STAT1: variants seen among roughly 807,000 people sequenced by gnomAD.
STAT1 encodes signal transducer and activator of transcription 1-alpha/beta.
In STAT1, 24 loss-of-function variants were observed where a neutral mutation model predicts 111.7. The ratio of observed to expected loss-of-function variants is 0.21; its 90% CI spans 0.16 to 0.30. The LOEUF (loss-of-function observed/expected upper bound fraction) is 0.30. Among genes scored for constraint, STAT1 ranks in the 10% least tolerant of loss-of-function variants. The pLI, the probability that STAT1 is intolerant of heterozygous loss-of-function variation, is 1.00. For missense variants in STAT1, 351 were observed against 911.9 expected (o/e 0.38, Z 7.92); for synonymous variants, 332 against 326.5 (o/e 1.02, Z -0.18).
chr2:190,993,420 T>C lies in STAT1; in HGVS notation c.944+1641A>G. Reference sequence around the variant, plus strand: ...TTCCCGTCTAACTCTATAGTTCTTATTTTGAAATCCATACCAATTGTGCTG... The same window carrying C: ...TTCCCGTCTAACTCTATAGTTCTTACTTTGAAATCCATACCAATTGTGCTG... On this transcript the variant is annotated intron_variant, in intron 10 of 24. Transcript: ENST00000361099. The surrounding 1 kb of genome is among the most constrained non-coding windows in gnomAD (Gnocchi z 4.1). The C allele has an allele frequency of 1.4e-6, 2 of 1,401,370 alleles. No homozygotes were observed. The highest frequency in any genetic ancestry group is 2.0e-6 in the Non-Finnish European group (2 of 1,006,204). 86.8% of individuals were successfully genotyped at this position (1,401,370 alleles called of 1,614,324 possible).
At position 190,995,737 on chromosome 2, in the gene STAT1, G is replaced by A. The variant is rs1199858112; in HGVS notation, c.786-518C>T. On this transcript the variant is annotated intron_variant, in intron 9 of 24. Transcript: ENST00000361099. This position sits in a 1 kb window ranked among gnomAD's most constrained non-coding sequence, Gnocchi z 4.2. ...TCTAGGGAAAAACAAAGGGAACGAG[G>A]CTTGTGCCAGCAGTAGAAGCTTTGT... Among the ~76,000 whole-genome samples, 2 of 152,198 alleles carry A rather than the reference G, an allele frequency of 1.3e-5. No homozygotes were observed. Among genetic ancestry groups the A allele is most frequent in the South Asian group, 4.1e-4 (2 of 4,830 alleles).
In STAT1 at chr2:190,975,730, T is replaced by A; in HGVS notation, c.2135+82A>T. 1 of 1,587,060 alleles carries A rather than the reference T, an allele frequency of 6.3e-7. No homozygotes were observed. Among genetic ancestry groups the A allele is most frequent in the Middle Eastern group, 1.7e-4 (1 of 5,996 alleles). ...TAGCAATTACAATGGAAAAGTAAAA[T>A]ACAAGCATCTTCAACAGGCCCCAGC... On this transcript the variant is annotated intron_variant, in intron 23 of 24. Coordinates refer to ENST00000361099, the MANE Select transcript of STAT1 (RefSeq NM_007315.4). This position sits in a 1 kb window ranked among gnomAD's most constrained non-coding sequence, Gnocchi z 5.9.
chr2:190,971,035 T>C lies in STAT1; in HGVS notation c.2239-318A>G, dbSNP rs1413385669. ...CAGAGCAACGTGTCAAATCTGCTCATGTGAAACGGGTGAGGAAATGCTGAG... is the reference window on the plus strand; with the variant it reads ...CAGAGCAACGTGTCAAATCTGCTCACGTGAAACGGGTGAGGAAATGCTGAG... On this transcript the variant is annotated intron_variant, in intron 24 of 24. Coordinates refer to ENST00000361099, the MANE Select transcript of STAT1 (RefSeq NM_007315.4). This position sits in a 1 kb window ranked among gnomAD's most constrained non-coding sequence, Gnocchi z 4.1. Among the ~76,000 whole-genome samples the C allele has an allele frequency of 6.6e-6, 1 of 152,170 alleles. No homozygotes were observed.
intron 5 of STAT1, among the ~76,000 whole-genome samples, chr2:191,001,498 C>CT (rs1694270189): frequency 3.3e-5 from 5 of 152,168 alleles, no homozygotes; most frequent in African/African-American, 1.2e-4. Flanking sequence ...TAACTCAGTC[C>CT]TTATTTATCT....
Position 190,996,018 on chromosome 2 carries a change from AC to A in STAT1, c.786-800del, listed in dbSNP as rs1439224333. On this transcript the variant is annotated intron_variant, in intron 9 of 24. Coordinates refer to ENST00000361099, the MANE Select transcript of STAT1 (RefSeq NM_007315.4). The surrounding 1 kb of genome is among the most constrained non-coding windows in gnomAD (Gnocchi z 4.5). ...CATCAGCAAGCAGTGTCTCGGCAGG[AC>A]CAGTCAGAGATGTGGGGCAGAGGGG... Among the ~76,000 whole-genome samples the A allele has an allele frequency of 6.6e-6, 1 of 150,844 alleles. No individual in the cohort carries two copies. The highest frequency in any genetic ancestry group is 2.5e-5 in the African/African-American group (1 of 40,678).
At position 191,012,262 on chromosome 2, in the gene STAT1, A is replaced by G. The variant is rs748268852; in HGVS notation, c.-2+1263T>C. Among the ~76,000 whole-genome samples, 57 of 151,970 alleles carry G rather than the reference A, an allele frequency of 3.8e-4. No homozygotes were observed. Among genetic ancestry groups the G allele is most frequent in the South Asian group, 1.5e-3 (7 of 4,800 alleles). On this transcript the variant is annotated intron_variant, in intron 2 of 24. Transcript: ENST00000361099. This position sits in a 1 kb window ranked among gnomAD's most constrained non-coding sequence, Gnocchi z 4.0. The stretch of plus-strand genomic sequence containing the variant: ...ACCTTGTCTCTACTAAAATACAAAA[A>G]AAAATTAGCAGGGCATGGTGGTGTG...
At position 190,996,999 on chromosome 2, in the gene STAT1, G is replaced by C. The variant is rs1181895129; in HGVS notation, c.785+857C>G. Among the ~76,000 whole-genome samples the C allele has an allele frequency of 6.6e-6, 1 of 152,230 alleles. No homozygotes were observed. Among genetic ancestry groups the C allele is most frequent in the East Asian group, 1.9e-4 (1 of 5,200 alleles). On this transcript the variant is annotated intron_variant, in intron 9 of 24. Transcript: ENST00000361099. The surrounding 1 kb of genome is among the most constrained non-coding windows in gnomAD (Gnocchi z 4.5). ...GAAAAAAGCCTGCCTTGGCTCAGCA[G>C]TACAGCTGCGTACATCCCCCATTCC...
chr2:191,001,066 A>G lies in STAT1; in HGVS notation c.462+8T>C, dbSNP rs552793333. 3.7e-6 allele frequency: 6 copies of G among 1,606,148 alleles called. No individual in the cohort carries two copies. The Admixed American group carries it at 1.0e-4, about 27-fold the overall frequency. ...CAGAATAAATGCATGTGTTTACTCA[A>G]TACTCACCATAACCTTGTCCTTCAC... On this transcript the variant is annotated splice_region_variant and intron_variant, in intron 6 of 24. Coordinates refer to ENST00000361099, the MANE Select transcript of STAT1 (RefSeq NM_007315.4).
At position 190,977,640 on chromosome 2, in the gene STAT1, G is replaced by A. The variant is rs1481143290; in HGVS notation, c.1874-615C>T. 6.6e-6 allele frequency among the ~76,000 whole-genome samples: 1 copy of A among 152,114 alleles called. No individual in the cohort carries two copies. The highest frequency in any genetic ancestry group is 2.4e-5 in the African/African-American group (1 of 41,410). ...CCCTTTGGGTGTCGACCTTCCAGAG[G>A]CCACGGTTCAGGTGTTCTGGGGAGC... On this transcript the variant is annotated intron_variant, in intron 21 of 24. Transcript: ENST00000361099. This position sits in a 1 kb window ranked among gnomAD's most constrained non-coding sequence, Gnocchi z 4.7.
chr2:190,983,534 G>C lies in STAT1; in HGVS notation c.1446+108C>G. On this transcript the variant is annotated intron_variant, in intron 17 of 24. Coordinates refer to ENST00000361099, the MANE Select transcript of STAT1 (RefSeq NM_007315.4). The surrounding 1 kb of genome is among the most constrained non-coding windows in gnomAD (Gnocchi z 5.7). ...GCCTTAGAAATACCACAGGAGCTTTGTCACTTCTCCCTTAACAACTGGCCA... is the reference window on the plus strand; with the variant it reads ...GCCTTAGAAATACCACAGGAGCTTTCTCACTTCTCCCTTAACAACTGGCCA... 3.1e-6 allele frequency: 3 copies of C among 952,914 alleles called. No individual in the cohort carries two copies. 59.0% of individuals were successfully genotyped at this position (952,914 alleles called of 1,614,324 possible).
intron 2 of STAT1, chr2:191,010,492 C>G (rs926404387): frequency 3.0e-6 from 1 of 332,898 alleles, no homozygotes; most frequent in African/African-American, 2.2e-5. Flanking sequence ...AATAAATATG[C>G]CTTTAAAATG....
Position 191,012,607 on chromosome 2 carries a change from A to C in STAT1, c.-2+918T>G, listed in dbSNP as rs1346825252. 6.6e-6 allele frequency among the ~76,000 whole-genome samples: 1 copy of C among 151,774 alleles called. No homozygotes were observed. Among genetic ancestry groups the C allele is most frequent in the East Asian group, 1.9e-4 (1 of 5,178 alleles). On this transcript the variant is annotated intron_variant, in intron 2 of 24. Transcript: ENST00000361099. This position sits in a 1 kb window ranked among gnomAD's most constrained non-coding sequence, Gnocchi z 4.0. ...TGCTCCTTCCTGTCTCCAACATTCT[A>C]CCTTCCCAGTCCAGCCTCTGCTGCC...
Position 191,009,944 on chromosome 2 carries a change from C to T in STAT1, c.60G>A (p.Gln20=). Residue 20 remains glutamine (Q), a synonymous_variant, in exon 3 of 25, where the codon CAG becomes CAA. Coordinates refer to ENST00000361099, the MANE Select transcript of STAT1 (RefSeq NM_007315.4). ...CCATGGGAAAACTGTCATCATAAAGCTGGTGAACCTGCTCCAGGAATTTTG... is the reference window on the plus strand; with the variant it reads ...CCATGGGAAAACTGTCATCATAAAGTTGGTGAACCTGCTCCAGGAATTTTG... ...LDSKFLEQVH[Q]LYDDSFPMEI... The T allele has an allele frequency of 1.9e-6, 3 of 1,614,006 alleles. No homozygotes were observed. Among genetic ancestry groups the T allele is most frequent in the Non-Finnish European group, 2.5e-6 (3 of 1,179,934 alleles).
chr2:190,983,623 G>A lies in STAT1; in HGVS notation c.1446+19C>T, dbSNP rs779027258. The A allele has an allele frequency of 1.2e-6, 2 of 1,610,690 alleles. No homozygotes were observed. The highest frequency in any genetic ancestry group is 1.7e-6 in the Non-Finnish European group (2 of 1,177,024). On this transcript the variant is annotated intron_variant, in intron 17 of 24. Transcript: ENST00000361099. The surrounding 1 kb of genome is among the most constrained non-coding windows in gnomAD (Gnocchi z 5.7). ...GTCTCTGCTTAACCCTGGGACCAAA[G>A]CAAATGTGTTTTCCATACCCTGGGT... is the stretch of plus-strand genomic sequence containing the variant.
Position 190,982,255 on chromosome 2 carries a change from G to T in STAT1, c.1582+128C>A. Reference sequence around the variant, plus strand: ...TCTCACTTAGCTATAATAAACTATAGCTTGAAAAGCTGACAGATTTTAGTA... The same window carrying T: ...TCTCACTTAGCTATAATAAACTATATCTTGAAAAGCTGACAGATTTTAGTA... On this transcript the variant is annotated intron_variant, in intron 18 of 24. Transcript: ENST00000361099. This position sits in a 1 kb window ranked among gnomAD's most constrained non-coding sequence, Gnocchi z 7.3. The T allele has an allele frequency of 9.2e-7, 1 of 1,088,194 alleles. No individual in the cohort carries two copies. Among genetic ancestry groups the T allele is most frequent in the Non-Finnish European group, 1.4e-6 (1 of 718,438 alleles). The allele number at this position is 1,088,194 out of a possible 1,614,324, so 67.4% of individuals were successfully genotyped here. A position where few individuals can be genotyped will look rare whatever the true frequency, so the allele number is the denominator to read the frequency against.
chr2:191,005,317 T>C (rs1042254279), intron 5 of STAT1, among the ~76,000 whole-genome samples: 1 of 152,194 alleles, frequency 6.6e-6, no homozygotes, highest in Non-Finnish European at 1.5e-5. Context: ...CATACACATA[T>C]ACTTTAGCAT....
rs1321526905 is a variant in STAT1 at position 190,997,432 on chromosome 2, C to T, written c.785+424G>A. Among the ~76,000 whole-genome samples the T allele has an allele frequency of 6.6e-6, 1 of 152,214 alleles. No individual in the cohort carries two copies. ...CTCATCCTTGTGTGCCCAGGTCCTA[C>T]AGTGCCCGGCACACAGTAGGCATTT... On this transcript the variant is annotated intron_variant, in intron 9 of 24. Coordinates refer to ENST00000361099, the MANE Select transcript of STAT1 (RefSeq NM_007315.4). This position sits in a 1 kb window ranked among gnomAD's most constrained non-coding sequence, Gnocchi z 7.3.
Position 190,997,991 on chromosome 2 carries a change from A to G in STAT1, c.650T>C (p.Ile217Thr). 6.2e-7 allele frequency: 1 copy of G among 1,614,238 alleles called. No individual in the cohort carries two copies. Among genetic ancestry groups the G allele is most frequent in the Non-Finnish European group, 8.5e-7 (1 of 1,180,044 alleles). ...DNKRKEVVHK[I>T]IELLNVTELT... ...TTCAGTGACATTCAGCAACTCTATT[A>G]TTTTGTGAACTACTTCCTAAAGGCA... The change falls in exon 9 of 25, where the codon ATA becomes ACA. Residue 217 changes from isoleucine to threonine, a missense_variant. Coordinates refer to ENST00000361099, the MANE Select transcript of STAT1 (RefSeq NM_007315.4). The surrounding 1 kb of genome is among the most constrained non-coding windows in gnomAD (Gnocchi z 7.3).
rs1398151089 is a variant in STAT1, at chr2:190,973,565, C to T, written c.2238+1265G>A. Among the ~76,000 whole-genome samples the T allele has an allele frequency of 6.6e-6, 1 of 152,180 alleles. No homozygotes were observed. The highest frequency in any genetic ancestry group is 1.5e-5 in the Non-Finnish European group (1 of 68,024). Reference sequence around the variant, plus strand: ...AGGTATAAAAAATCCCCCCATTTTACAGTTCCTGTGATGTAACATATTTTC... The same window carrying T: ...AGGTATAAAAAATCCCCCCATTTTATAGTTCCTGTGATGTAACATATTTTC... On this transcript the variant is annotated intron_variant, in intron 24 of 24. Coordinates refer to ENST00000361099, the MANE Select transcript of STAT1 (RefSeq NM_007315.4). The surrounding 1 kb of genome is among the most constrained non-coding windows in gnomAD (Gnocchi z 4.4).
Sources: gnomAD v4.1 joint callset for allele counts (sites outside exome capture counted in the v4.1 genomes callset) on GRCh38, gnomAD v4.1.1 for gene constraint, Gnocchi (gnomAD v3.1) non-coding constraint, MANE v1.5 for transcripts, NCBI Gene and HGNC (gene_info 2026-07-23, HGNC 2026-07-21) for gene names.